Variants in USH2A observed in about 807,000 individuals in gnomAD.
The protein encoded by USH2A is usherin.
Under a neutral mutation model 538.9 loss-of-function variants are expected in USH2A, and 443 were observed. The observed-to-expected ratio is 0.82, with a 90% CI of 0.76 to 0.89. USH2A has a LOEUF of 0.89. Among genes scored for constraint, USH2A ranks in the 40% least tolerant of loss-of-function variants. The pLI is 0.00. For synonymous variants in USH2A, 2,413 were observed against 2,273.5 expected, an observed-to-expected ratio of 1.06 and a Z score of -1.75; for missense variants, 6,633 against 6,324.8, an observed-to-expected ratio of 1.05 and a Z score of -1.65.
chr1:216,365,292 A>C (rs1237057488), intron 3 of USH2A, among the ~76,000 whole-genome samples: 1 of 152,052 alleles, frequency 6.6e-6, no homozygotes, highest in East Asian at 1.9e-4. Flanking sequence ...TGCTGTGATG[A>C]TATCTCCCAG....
chr1:216,217,679 C>T (rs1174182049), intron 14 of USH2A, 129 bp from the exon 15 acceptor site: 32 of 1,066,024 alleles, frequency 3.0e-5, no homozygotes, highest in Non-Finnish European at 4.2e-6. Context: ...GAAAAGAATG[C>T]TTGAGCTAAA....
intron 5 of USH2A, among the ~76,000 whole-genome samples, 166 bp from the exon 6 acceptor site, chr1:216,325,765 TAAAC>T (rs1458505600): frequency 6.6e-6 from 1 of 152,146 alleles, no homozygotes; most frequent in African/African-American, 2.4e-5. Flanking sequence ...TTTGGCCAAA[TAAAC>T]AAATTCATTA....
At position 216,036,250 on chromosome 1, in the gene USH2A, T is replaced by C. The variant is rs114492052; in HGVS notation, c.6325+10181A>G. ...TCCTTTCTATCAATTTTATCACATA[T>C]ATTAAAATTGGGAATAACATTACAA... On this transcript the variant is annotated intron_variant, in intron 32 of 71. Transcript: ENST00000307340. Among the ~76,000 whole-genome samples, 1,457 of 152,222 alleles carry C rather than the reference T, an allele frequency of 9.6e-3. 20 individuals carry two copies. The highest frequency in any genetic ancestry group is 0.033 in the African/African-American group (1,390 of 41,536).
At chr1:216,202,162 T>C (rs2102472273) in intron 16 of USH2A, among the ~76,000 whole-genome samples, 1 of 152,302 alleles carries the variant, frequency 6.6e-6, no homozygotes, top group East Asian at 1.9e-4. Context: ...AAAATAAATT[T>C]CAGTGCTGAA....
chr1:215,723,574 C>G (rs1659723939), intron 61 of USH2A, among the ~76,000 whole-genome samples: 1 of 152,208 alleles, frequency 6.6e-6, no homozygotes, highest in African/African-American at 2.4e-5. Context: ...TTAGCAGTAC[C>G]TCTTGCGAGT....
chr1:216,253,412 C>T lies in USH2A; in HGVS notation c.1972-2314G>A, dbSNP rs112677763. 3.0e-3 allele frequency among the ~76,000 whole-genome samples: 451 copies of T among 152,044 alleles called. 2 individuals are homozygous for T. The highest frequency in any genetic ancestry group is 0.01 in the African/African-American group (420 of 41,494). Reference sequence around the variant, plus strand: ...AACTCCTGACCTCAGGTGATCTGTCCGCCTCGGCCTCCCAAATTGCTGGGA... The same window carrying T: ...AACTCCTGACCTCAGGTGATCTGTCTGCCTCGGCCTCCCAAATTGCTGGGA... On this transcript the variant is annotated intron_variant, in intron 11 of 71. Transcript: ENST00000307340.
intron 21 of USH2A, among the ~76,000 whole-genome samples, chr1:216,156,295 C>CTT (rs35698520): frequency 9.5e-5 from 10 of 105,526 alleles, no homozygotes; most frequent in South Asian, 3.3e-4. Context: ...TTTTTTTTTT[C>CTT]TTTTTTTTTT....
At chr1:216,159,817 A>G (rs1020367451) in intron 21 of USH2A, among the ~76,000 whole-genome samples, 6 of 152,082 alleles carry the variant, frequency 3.9e-5, no homozygotes, top group Admixed American at 2.0e-4. Context: ...AGACTTAACT[A>G]TAGATTTCAT....
rs1229721362 is a variant in USH2A at position 216,157,537 on chromosome 1, T to G, written c.4627+17715A>C. 7.2e-5 allele frequency among the ~76,000 whole-genome samples: 11 copies of G among 151,968 alleles called. No individual in the cohort carries two copies. In the East Asian group the frequency reaches 2.1e-3, roughly 29 times the overall value. On this transcript the variant is annotated intron_variant, in intron 21 of 71. Coordinates refer to ENST00000307340, the MANE Select transcript of USH2A (RefSeq NM_206933.4). The stretch of plus-strand genomic sequence containing the variant: ...ACTCATATGTTCATTGCTACACTAA[T>G]CACAATAGCAAAGACACAGAATCAA...
intron 32 of USH2A, among the ~76,000 whole-genome samples, chr1:216,038,619 T>C (rs2030107434): frequency 6.6e-6 from 1 of 151,986 alleles, no homozygotes; most frequent in Non-Finnish European, 1.5e-5. Flanking sequence ...CTTTACAGGG[T>C]GCTGACAATG....
At chr1:215,990,056 A>G (rs1311384462) in intron 35 of USH2A, among the ~76,000 whole-genome samples, 3 of 152,186 alleles carry the variant, frequency 2.0e-5, no homozygotes, top group African/African-American at 2.4e-5. Flanking sequence ...ATTTAGTTAC[A>G]CAAGAATGAA....
intron 3 of USH2A, among the ~76,000 whole-genome samples, chr1:216,410,881 A>G (rs745870126): frequency 6.6e-5 from 10 of 152,180 alleles, no homozygotes; most frequent in Non-Finnish European, 1.3e-4. Flanking sequence ...TTCATGCTGT[A>G]AGTAAGTAAC....
chr1:215,688,789 G>A (rs1658512118), intron 61 of USH2A, among the ~76,000 whole-genome samples: 1 of 151,946 alleles, frequency 6.6e-6, no homozygotes, highest in Non-Finnish European at 1.5e-5. Context: ...CCTTCCTAGA[G>A]GCCCTATCTC....
Position 215,988,639 on chromosome 1 carries a change from C to T in USH2A, c.6805+4381G>A, listed in dbSNP as rs949993118. On this transcript the variant is annotated intron_variant, in intron 35 of 71. Transcript: ENST00000307340. Reference sequence around the variant, plus strand: ...TTCCCACCAACAGTATTTAAGGGTTCCAGTTTCTCCACATCCTTTCCAGAA... The same window carrying T: ...TTCCCACCAACAGTATTTAAGGGTTTCAGTTTCTCCACATCCTTTCCAGAA... 5.3e-5 allele frequency among the ~76,000 whole-genome samples: 8 copies of T among 152,176 alleles called. No individual in the cohort carries two copies. The South Asian group carries it at 8.3e-4, about 16-fold the overall frequency.
chr1:215,931,277 T>C (rs1473400450), intron 38 of USH2A, among the ~76,000 whole-genome samples: 3 of 151,892 alleles, frequency 2.0e-5, no homozygotes, highest in Non-Finnish European at 4.4e-5. Flanking sequence ...ATCAGAAAAA[T>C]AGAGGTAGGA....
At chr1:216,031,457 G>A (rs573311522) in intron 32 of USH2A, among the ~76,000 whole-genome samples, 4 of 152,118 alleles carry the variant, frequency 2.6e-5, no homozygotes, top group Non-Finnish European at 5.9e-5. Flanking sequence ...CAATAGAGCT[G>A]TTAACAAATA....
intron 37 of USH2A, among the ~76,000 whole-genome samples, chr1:215,953,169 C>T (rs1241778211): frequency 1.3e-5 from 2 of 152,064 alleles, no homozygotes; most frequent in South Asian, 4.2e-4. Flanking sequence ...AATGCCATCC[C>T]CATCAAGCTA....
chr1:215,759,750 T>C lies in USH2A; in HGVS notation c.11141A>G (p.Gln3714Arg), dbSNP rs1467633779. Residue 3714 changes from glutamine to arginine, a missense_variant, in exon 57 of 72, where the codon CAA (glutamine) becomes CGA (arginine). Gln to Arg is a conservative substitution (Grantham distance 43). Transcript: ENST00000307340. ...GTTTCCATTACGACTCAATTGATAT[T>C]GAGAAACGAGGCCATTGGGCTTTTC... is the stretch of plus-strand genomic sequence containing the variant. Reference protein sequence around the residue: ...LPEKPNGLVSQYQLSRNGNLL... With the variant: ...LPEKPNGLVSRYQLSRNGNLL... 1 of 1,614,072 alleles carries C rather than the reference T, an allele frequency of 6.2e-7. No homozygotes were observed. The highest frequency in any genetic ancestry group is 8.5e-7 in the Non-Finnish European group (1 of 1,179,954).
intron 13 of USH2A, among the ~76,000 whole-genome samples, chr1:216,244,393 A>T (rs2035994562): frequency 6.6e-6 from 1 of 152,116 alleles, no homozygotes; most frequent in Admixed American, 6.6e-5. Context: ...GCAAAATAAA[A>T]CCCATTTTTG....
Sources: gnomAD v4.1 joint callset for allele counts (sites outside exome capture counted in the v4.1 genomes callset) on GRCh38, gnomAD v4.1.1 for gene constraint, MANE v1.5 for transcripts, NCBI Gene and HGNC (gene_info 2026-07-23, HGNC 2026-07-21) for gene names.